ZNF208: variants seen among roughly 807,000 people sequenced by gnomAD.
The protein encoded by ZNF208 is zinc finger protein 208.
A neutral mutation model predicts 12.1 loss-of-function variants in ZNF208; 10 were observed. The observed-to-expected ratio is 0.83, with a 90% CI of 0.51 to 1.40. ZNF208 has a LOEUF of 1.40. ZNF208 is among the 40% of genes most tolerant of loss of function. ZNF208 has a pLI of 0.00. For synonymous variants in ZNF208, 497 were observed against 488.4 expected, an observed-to-expected ratio of 1.02 and a Z score of -0.23; for missense variants, 1,652 against 1,485.0, an observed-to-expected ratio of 1.11 and a Z score of -1.85.
intron 1 of ZNF208, among the ~76,000 whole-genome samples, chr19:21,995,791 C>T (rs1433730357): frequency 6.6e-6 from 1 of 151,910 alleles, no homozygotes; most frequent in Non-Finnish European, 1.5e-5. Context: ...CAGATTCTGC[C>T]ATCAGATTCT....
At chr19:21,953,756 G>T (rs533466846) in intron 4 of ZNF208, among the ~76,000 whole-genome samples, 6 of 152,104 alleles carry the variant, frequency 3.9e-5, no homozygotes, top group Admixed American at 1.3e-4. Context: ...CAATTATCAG[G>T]CAATTTTGTT....
chr19:21,964,784 T>C (rs1275884290), downstream of ZNF208, among the ~76,000 whole-genome samples: 3 of 151,866 alleles, frequency 2.0e-5, no homozygotes, highest in Non-Finnish European at 4.4e-5. Context: ...AATATAAGAA[T>C]ACTTCTTCCA....
At chr19:21,993,908 TTTA>T (rs1435199574) in intron 1 of ZNF208, among the ~76,000 whole-genome samples, 1 of 152,218 alleles carries the variant, frequency 6.6e-6, no homozygotes, top group African/African-American at 2.4e-5. Context: ...TACTACAATG[TTTA>T]TTAAGCAGGT....
Position 21,974,376 on chromosome 19 carries a change from TATAA to T in ZNF208, c.654_657del (p.Tyr218Ter), listed in dbSNP as rs1182778984. On this transcript the variant is annotated frameshift_variant, in exon 4 of 4. Coordinates refer to ENST00000397126, the MANE Select transcript of ZNF208 (RefSeq NM_007153.3). LOFTEE classifies it low-confidence loss of function (END_TRUNC). ...GGTTTCTCTCCAGTATGAGCACTCT[TATAA>T]TAAGTAAGGGTTGAGGACCAGTTAA... The T allele has an allele frequency of 6.2e-7, 1 of 1,613,664 alleles. No homozygotes were observed. The highest frequency in any genetic ancestry group is 1.3e-5 in the African/African-American group (1 of 74,900).
rs139766150 is a variant in ZNF208 at position 21,985,450 on chromosome 19, G to A, written c.226+1766C>T. ...TTAAGAGAGCTTTGAGATCCAGGGA[G>A]GCAATTGTGAAACTTTGCTAAAGCC... On this transcript the variant is annotated intron_variant, in intron 3 of 3. Coordinates refer to ENST00000397126, the MANE Select transcript of ZNF208 (RefSeq NM_007153.3). Among the ~76,000 whole-genome samples, 1,334 of 152,312 alleles carry A rather than the reference G, an allele frequency of 8.8e-3. 15 individuals carry two copies. The highest frequency in any genetic ancestry group is 0.024 in the South Asian group (118 of 4,830).
At chr19:21,992,064 T>C (rs1052873131) in intron 1 of ZNF208, among the ~76,000 whole-genome samples, 13 of 152,074 alleles carry the variant, frequency 8.5e-5, no homozygotes, top group Non-Finnish European at 1.9e-4. Context: ...GAGGTTTCAT[T>C]TTCCAAAAAC....
intron 1 of ZNF208, among the ~76,000 whole-genome samples, chr19:22,008,184 T>C (rs995967291): frequency 1.3e-5 from 2 of 150,294 alleles, no homozygotes; most frequent in Non-Finnish European, 2.9e-5. Flanking sequence ...ACACCTGTAG[T>C]CCCAGCTACT....
chr19:21,985,145 C>T (rs763750746), intron 3 of ZNF208, among the ~76,000 whole-genome samples: 1 of 151,954 alleles, frequency 6.6e-6, no homozygotes, highest in Non-Finnish European at 1.5e-5. Context: ...AATGAGTCAG[C>T]CACAAAAAGA....
intron 4 of ZNF208, among the ~76,000 whole-genome samples, chr19:21,960,046 A>C (rs1308557688): frequency 6.6e-6 from 1 of 152,168 alleles, no homozygotes; most frequent in South Asian, 2.1e-4. Flanking sequence ...TAGATTAAAA[A>C]AGTAAAATTC....
intron 4 of ZNF208, among the ~76,000 whole-genome samples, chr19:21,944,168 AC>A (rs1184268511): frequency 6.6e-6 from 1 of 152,186 alleles, no homozygotes; most frequent in Non-Finnish European, 1.5e-5. Context: ...TTGTTTCCAA[AC>A]CAACCTTATT....
At chr19:21,943,319 TAAAC>T (rs1568431799) in intron 4 of ZNF208, among the ~76,000 whole-genome samples, 2 of 151,930 alleles carry the variant, frequency 1.3e-5, no homozygotes, top group East Asian at 3.9e-4. Flanking sequence ...AAAATGTAAA[TAAAC>T]AAAAAAATAC....
intron 3 of ZNF208, among the ~76,000 whole-genome samples, chr19:21,976,081 A>C (rs1973514621): frequency 6.6e-6 from 1 of 152,152 alleles, no homozygotes; most frequent in Admixed American, 6.5e-5. Flanking sequence ...CAGACAAAAA[A>C]TTGAATTTCT....
At chr19:21,994,002 T>C (rs1970785680) in intron 1 of ZNF208, among the ~76,000 whole-genome samples, 1 of 152,230 alleles carries the variant, frequency 6.6e-6, no homozygotes, top group South Asian at 2.1e-4. Context: ...TTTCAGTTGA[T>C]ACTAAGTGTT....
intron 1 of ZNF208, among the ~76,000 whole-genome samples, chr19:22,010,590 G>A (rs1399740004): frequency 6.6e-6 from 1 of 152,234 alleles, no homozygotes; most frequent in African/African-American, 2.4e-5. Context: ...CACAGCGCAG[G>A]GAAGAGACAG....
chr19:21,964,550 T>C (rs887478978), downstream of ZNF208, among the ~76,000 whole-genome samples: 4 of 151,806 alleles, frequency 2.6e-5, no homozygotes, highest in African/African-American at 9.7e-5. Context: ...TTCTCTCTAA[T>C]GAAAAAACTG....
intron 4 of ZNF208, among the ~76,000 whole-genome samples, chr19:21,957,889 G>C (rs1045212247): frequency 1.5e-4 from 22 of 151,158 alleles, no homozygotes; most frequent in Non-Finnish European, 2.2e-4. Context: ...CAATGTGCAG[G>C]TTAGTTACAT....
chr19:21,997,471 G>GCTCT (rs1183372102), intron 1 of ZNF208, among the ~76,000 whole-genome samples: 1 of 152,094 alleles, frequency 6.6e-6, no homozygotes, highest in Non-Finnish European at 1.5e-5. Context: ...TAAAGCAATA[G>GCTCT]CTCTCTACTC....
At chr19:22,008,494 A>G in intron 1 of ZNF208, among the ~76,000 whole-genome samples, 1 of 151,794 alleles carries the variant, frequency 6.6e-6, no homozygotes, top group East Asian at 1.9e-4. Context: ...ACTATGCCCC[A>G]GTGAGTGCCC....
intron 1 of ZNF208, among the ~76,000 whole-genome samples, chr19:22,001,384 C>T (rs1424028193): frequency 1.3e-5 from 2 of 152,254 alleles, no homozygotes; most frequent in East Asian, 3.9e-4. Context: ...CTAAATGAAG[C>T]TCAGGACCAG....
Sources: allele counts gnomAD v4.1 joint callset (sites outside exome capture counted in the v4.1 genomes callset), GRCh38; gene constraint gnomAD v4.1.1; transcripts MANE v1.5; gene names NCBI Gene and HGNC (gene_info 2026-07-23, HGNC 2026-07-21).